The following PHF20L1 variants were observed in gnomAD, a reference collection of about 807,000 sequenced individuals.
The protein encoded by PHF20L1 is PHD finger protein 20-like protein 1.
A neutral mutation model predicts 125.5 loss-of-function variants in PHF20L1; 44 were observed. That is an observed-to-expected ratio of 0.35 (90% CI 0.28 to 0.45). The LOEUF is 0.45. Among genes scored for constraint, PHF20L1 ranks in the 20% least tolerant of loss-of-function variants. The pLI is 1.00. For synonymous variants in PHF20L1, 380 were observed against 403.1 expected (o/e 0.94, Z 0.69); for missense variants, 1,012 against 1,217.2 (o/e 0.83, Z 2.51).
At chr8:132,842,309 A>G (rs972708034) in intron 18 of PHF20L1, 3 of 429,794 alleles carry the variant, frequency 7.0e-6, no homozygotes, top group Admixed American at 3.9e-5. Flanking sequence ...TAAATTTGTT[A>G]TTGCTTTTCT....
chr8:132,784,570 CA>C lies in PHF20L1; in HGVS notation c.83+6664del, dbSNP rs575594265. ...AAACTTGAGGCAGAGGTAAGATAGA[CA>C]AAAAGTCATAGGTAGTTCAAAACTG... On this transcript the variant is annotated intron_variant, in intron 2 of 20. Transcript: ENST00000395386. Among the ~76,000 whole-genome samples, 6 of 151,424 alleles carry C rather than the reference CA, an allele frequency of 4.0e-5. No homozygotes were observed. The South Asian group carries it at 1.2e-3, about 32-fold the overall frequency.
At chr8:132,792,982 T>TTA (rs10675499) in intron 2 of PHF20L1, among the ~76,000 whole-genome samples, 73 of 149,608 alleles carry the variant, frequency 4.9e-4, no homozygotes, top group African/African-American at 1.8e-3. Flanking sequence ...TTTTTTTTTT[T>TTA]AGTGCCACAC....
At chr8:132,793,975 T>G (rs987166727) in intron 2 of PHF20L1, among the ~76,000 whole-genome samples, 1 of 152,206 alleles carries the variant, frequency 6.6e-6, no homozygotes, top group African/African-American at 2.4e-5. Context: ...ACATAATATT[T>G]CATTCAGTGG....
intron 15 of PHF20L1, 39 bp from the exon 16 acceptor site, chr8:132,836,501 G>C (rs751313715): frequency 3.0e-6 from 4 of 1,320,198 alleles, no homozygotes; most frequent in Non-Finnish European, 4.2e-6. Flanking sequence ...CATGAAAATA[G>C]AAAAGTTGTT....
intron 12 of PHF20L1, chr8:132,818,482 T>C (rs879579055): frequency 1.3e-5 from 2 of 151,932 alleles, no homozygotes; most frequent in Non-Finnish European, 2.9e-5. Context: ...ATGGCATGTA[T>C]TGAAATAAAA....
chr8:132,842,312 G>A (rs1194617002), intron 18 of PHF20L1: 2 of 434,190 alleles, frequency 4.6e-6, no homozygotes, highest in African/African-American at 2.0e-5. Context: ...ATTTGTTATT[G>A]CTTTTCTGAG....
intron 2 of PHF20L1, among the ~76,000 whole-genome samples, chr8:132,778,916 A>G (rs1830123521): frequency 1.3e-5 from 2 of 152,158 alleles, no homozygotes; most frequent in African/African-American, 2.4e-5. Flanking sequence ...ATTTTCTCTG[A>G]TTTAAAACCA....
intron 20 of PHF20L1, among the ~76,000 whole-genome samples, chr8:132,844,575 C>G (rs1464731592): frequency 1.3e-5 from 2 of 151,956 alleles, no homozygotes; most frequent in African/African-American, 4.8e-5. Flanking sequence ...TTGCCAGGCT[C>G]CAGATAGATC....
intron 18 of PHF20L1, among the ~76,000 whole-genome samples, chr8:132,839,889 G>A (rs1837754129): frequency 6.6e-6 from 1 of 152,064 alleles, no homozygotes; most frequent in Admixed American, 6.6e-5. Flanking sequence ...AGTTGCTGTG[G>A]TGAACCCTAT....
At chr8:132,814,606 TA>T in intron 9 of PHF20L1, 30 bp from the exon 10 acceptor site, 2 of 1,474,950 alleles carry the variant, frequency 1.4e-6, no homozygotes, top group Non-Finnish European at 1.8e-6. Flanking sequence ...GAAGCCAAAA[TA>T]AAAATATCAA....
intron 2 of PHF20L1, 95 bp downstream of exon 2, chr8:132,778,006 A>G (rs1830019295): frequency 1.3e-6 from 1 of 765,104 alleles, no homozygotes; most frequent in South Asian, 1.6e-5. Flanking sequence ...GGTAGCAGAA[A>G]CATCAGTGTA....
intron 12 of PHF20L1, among the ~76,000 whole-genome samples, chr8:132,822,419 C>T (rs1430193987): frequency 1.3e-5 from 2 of 151,906 alleles, no homozygotes; most frequent in African/African-American, 4.8e-5. Flanking sequence ...CACCTTTTCC[C>T]TAGAGATCCA....
intron 18 of PHF20L1, among the ~76,000 whole-genome samples, chr8:132,839,933 G>A (rs1837760097): frequency 6.6e-6 from 1 of 152,064 alleles, no homozygotes; most frequent in African/African-American, 2.4e-5. Flanking sequence ...GCTATCAAAT[G>A]AAATAGATTC....
At chr8:132,796,603 T>C (rs1321595485) in intron 4 of PHF20L1, among the ~76,000 whole-genome samples, 1 of 152,132 alleles carries the variant, frequency 6.6e-6, no homozygotes. Flanking sequence ...TACCACTGGT[T>C]ACCCCTACAG....
chr8:132,835,299 TA>T (rs986609988), intron 15 of PHF20L1, among the ~76,000 whole-genome samples: 4 of 152,084 alleles, frequency 2.6e-5, no homozygotes, highest in African/African-American at 9.7e-5. Context: ...AGAATGTGGC[TA>T]GGGGATAGGA....
rs199576698 is a variant in PHF20L1 at position 132,786,442 on chromosome 8, T to G, written c.84-7968T>G. On this transcript the variant is annotated intron_variant, in intron 2 of 20. Coordinates refer to ENST00000395386, the MANE Select transcript of PHF20L1 (RefSeq NM_016018.5). ...ACAAACCAACTTTAGGCATGCTTCTTGTATATGAGAGATTAAAAGTAAAAT... is the reference window on the plus strand; with the variant it reads ...ACAAACCAACTTTAGGCATGCTTCTGGTATATGAGAGATTAAAAGTAAAAT... Among the ~76,000 whole-genome samples, 3 of 152,100 alleles carry G rather than the reference T, an allele frequency of 2.0e-5. No homozygotes were observed. The East Asian group carries it at 5.8e-4, about 29-fold the overall frequency.
At chr8:132,845,214 C>A (rs1047784492) in intron 20 of PHF20L1, among the ~76,000 whole-genome samples, 1 of 152,050 alleles carries the variant, frequency 6.6e-6, no homozygotes, top group Admixed American at 6.6e-5. Context: ...AGAATATAAT[C>A]AATTGCATTC....
At chr8:132,784,906 A>G (rs1458973755) in intron 2 of PHF20L1, among the ~76,000 whole-genome samples, 1 of 152,194 alleles carries the variant, frequency 6.6e-6, no homozygotes, top group African/African-American at 2.4e-5. Context: ...TTTCATTGGA[A>G]TTAGAGAGCT....
At chr8:132,844,036 T>G (rs1422479117) in intron 19 of PHF20L1, 120 bp from the exon 20 acceptor site, 3 of 1,483,496 alleles carry the variant, frequency 2.0e-6, no homozygotes, top group African/African-American at 2.8e-5. Context: ...AAGATACCCC[T>G]GGAGTCAGAT....
Sources: allele counts gnomAD v4.1 joint callset (sites outside exome capture counted in the v4.1 genomes callset), GRCh38; gene constraint gnomAD v4.1.1; transcripts MANE v1.5; gene names NCBI Gene and HGNC (gene_info 2026-07-23, HGNC 2026-07-21).